ZBTB41: variants seen among roughly 807,000 people sequenced by gnomAD.
The protein encoded by ZBTB41 is zinc finger and BTB domain containing 41, also known as zinc finger and BTB domain-containing protein 41.
A neutral mutation model predicts 87.6 loss-of-function variants in ZBTB41; 42 were observed. The ratio of observed to expected loss-of-function variants is 0.48; its 90% confidence interval spans 0.37 to 0.62. The LOEUF is 0.62. Among genes scored for constraint, ZBTB41 ranks in the 20% least tolerant of loss-of-function variants. The pLI is 0.00. For missense variants in ZBTB41, 799 were observed against 1,078.9 expected, an observed-to-expected ratio of 0.74 and a Z score of 3.63; for synonymous variants, 364 against 364.0, an observed-to-expected ratio of 1.00 and a Z score of 0.00.
intron 4 of ZBTB41, among the ~76,000 whole-genome samples, chr1:197,188,752 T>C (rs1327853724): frequency 2.0e-5 from 3 of 152,214 alleles, no homozygotes; most frequent in Admixed American, 6.5e-5. Context: ...TTTTAGTCAC[T>C]TATGTCAGGA....
intron 2 of ZBTB41, among the ~76,000 whole-genome samples, chr1:197,195,949 G>A (rs895943207): frequency 1.3e-5 from 2 of 152,142 alleles, no homozygotes; most frequent in Non-Finnish European, 2.9e-5. Flanking sequence ...CAAAGCTTAT[G>A]CATCTCTCAT....
At chr1:197,192,196 A>C (rs116432352) in intron 2 of ZBTB41, among the ~76,000 whole-genome samples, 2,098 of 152,308 alleles carry the variant, frequency 0.014, 44 homozygotes, top group African/African-American at 0.048. Flanking sequence ...AAACTGTTGG[A>C]AAATTCTCTG....
chr1:197,186,162 G>A (rs191659969), intron 5 of ZBTB41, among the ~76,000 whole-genome samples: 1 of 151,454 alleles, frequency 6.6e-6, no homozygotes, highest in East Asian at 1.9e-4. Context: ...ACAGAGCCCA[G>A]AAACAGACCT....
chr1:197,155,768 A>G lies in ZBTB41; in HGVS notation c.*3591T>C, dbSNP rs927486881. 2.2e-4 allele frequency: 33 copies of G among 152,340 alleles called. No individual in the cohort carries two copies. Among genetic ancestry groups the G allele is most frequent in the African/African-American group, 7.5e-4 (31 of 41,412 alleles). The allele number at this position is 152,340 out of a possible 1,614,324, so 9.4% of individuals were successfully genotyped here. A position where few individuals can be genotyped will look rare whatever the true frequency, so the allele number is the denominator to read the frequency against. On this transcript the variant is annotated 3_prime_UTR_variant, in exon 11 of 11. Coordinates refer to ENST00000367405, the MANE Select transcript of ZBTB41 (RefSeq NM_194314.3). ...GCCATCGCCTAAAAGGAAGTCACCT[A>G]ATAAAGCACCAATTTAAAACCATAT...
In ZBTB41 at chr1:197,154,041, C is replaced by T. The variant is rs1000289961; in HGVS notation, c.*5318G>A. ...TACACAATGTGGAACAGCTAAATGC[C>T]CAGTTTTGTATTATTTTCTGGCAGC... is the stretch of plus-strand genomic sequence containing the variant. On this transcript the variant is annotated 3_prime_UTR_variant, in exon 11 of 11. Coordinates refer to ENST00000367405, the MANE Select transcript of ZBTB41 (RefSeq NM_194314.3). The T allele has an allele frequency of 6.6e-6, 1 of 152,344 alleles. No homozygotes were observed. Among genetic ancestry groups the T allele is most frequent in the Non-Finnish European group, 1.5e-5 (1 of 67,944 alleles). The allele number at this position is 152,344 out of a possible 1,614,324, so 9.4% of individuals were successfully genotyped here. A position where few individuals can be genotyped will look rare whatever the true frequency, so the allele number is the denominator to read the frequency against.
In ZBTB41 at chr1:197,199,719, C is replaced by T; in HGVS notation, c.755G>A (p.Arg252Lys). Residue 252 changes from arginine to lysine, a missense_variant, in exon 2 of 11, where the codon AGA becomes AAA. Physicochemically the swap from Arg to Lys is conservative, Grantham distance 26. Around this residue, in one of 5 missense-constraint regions of ZBTB41, gnomAD observed 294 missense variants for 340.1 expected, o/e 0.86. Transcript: ENST00000367405. ...AGGGCACTTCCGATTCCTTTTTGAT[C>T]TTCTTGCGGAGAAACTTCTCTCCAG... is the stretch of plus-strand genomic sequence containing the variant. ...KMLERSFSAR[R>K]SKRNRKCPVK... 1 of 1,613,172 alleles carries T rather than the reference C, an allele frequency of 6.2e-7. No individual in the cohort carries two copies. Among genetic ancestry groups the T allele is most frequent in the Non-Finnish European group, 8.5e-7 (1 of 1,179,804 alleles).
chr1:197,170,694 G>A (rs1440711367), intron 10 of ZBTB41, among the ~76,000 whole-genome samples: 1 of 152,120 alleles, frequency 6.6e-6, no homozygotes, highest in Non-Finnish European at 1.5e-5. Flanking sequence ...ACTTTAGATT[G>A]AGAGTTGGTA....
chr1:197,159,360 C>G lies in ZBTB41; in HGVS notation c.2729G>C (p.Ter910SerextTer22). 1 of 1,612,810 alleles carries G rather than the reference C, an allele frequency of 6.2e-7. No homozygotes were observed. The highest frequency in any genetic ancestry group is 8.5e-7 in the Non-Finnish European group (1 of 1,179,072). The stretch of plus-strand genomic sequence containing the variant: ...AATCTGTGGAATGTTTAGATTTACT[C>G]ATGAATGATGCTCATTCGTAGAAAT... ...QNISTNEHHS[*>S] The change falls in exon 11 of 11, where the codon TGA becomes TCA. Residue 910 changes from the stop codon to serine, a stop_lost. Coordinates refer to ENST00000367405, the MANE Select transcript of ZBTB41 (RefSeq NM_194314.3).
Position 197,155,440 on chromosome 1 carries a change from A to G in ZBTB41, c.*3919T>C, listed in dbSNP as rs949127462. On this transcript the variant is annotated 3_prime_UTR_variant, in exon 11 of 11. Transcript: ENST00000367405. ...AATCAACTCTAAGCAACTACAACAC[A>G]TCGAAAAGGCACAAAGCATTCAATG... 5 of 152,446 alleles carry G rather than the reference A, an allele frequency of 3.3e-5. No homozygotes were observed. The highest frequency in any genetic ancestry group is 9.6e-5 in the African/African-American group (4 of 41,544). 9.4% of individuals were successfully genotyped at this position (152,446 alleles called of 1,614,324 possible). A position where few individuals can be genotyped will look rare whatever the true frequency, so the allele number is the denominator to read the frequency against.
At chr1:197,189,464 T>G (rs1330429124) in intron 4 of ZBTB41, among the ~76,000 whole-genome samples, 2 of 150,976 alleles carry the variant, frequency 1.3e-5, no homozygotes, top group Non-Finnish European at 2.9e-5. Context: ...AGGAGGAGGT[T>G]GCAGCGAGCC....
At chr1:197,188,727 A>T (rs1406634513) in intron 4 of ZBTB41, among the ~76,000 whole-genome samples, 1 of 152,212 alleles carries the variant, frequency 6.6e-6, no homozygotes, top group Non-Finnish European at 1.5e-5. Context: ...TTCTAAATCC[A>T]TGAAATATAT....
chr1:197,164,792 C>CATATCTAATATATTATATATATTAT, intron 10 of ZBTB41, among the ~76,000 whole-genome samples: 1 of 21,878 alleles, frequency 4.6e-5, no homozygotes, highest in Admixed American at 6.6e-4. Context: ...ATATATAATA[C>CATATCTAATATATTATATATATTAT]ATATATAATA....
Position 197,200,004 on chromosome 1 carries a change from A to C in ZBTB41, c.470T>G (p.Leu157Arg). 1 of 1,613,264 alleles carries C rather than the reference A, an allele frequency of 6.2e-7. No individual in the cohort carries two copies. Among genetic ancestry groups the C allele is most frequent in the South Asian group, 1.1e-5 (1 of 90,770 alleles). ...CAAAAATTTTGCAGCCTCTAAAACA[A>C]GAGGTATTTCATATTTGTACACAAA... The part of the protein sequence containing the change: ...EFFVYKYEIP[L>R]VLEAAKFLDI... Residue 157 changes from leucine (L) to arginine (R), a missense_variant, in exon 2 of 11, where the codon CTT becomes CGT. Coordinates refer to ENST00000367405, the MANE Select transcript of ZBTB41 (RefSeq NM_194314.3).
chr1:197,178,165 T>C (rs1357650505), intron 7 of ZBTB41, among the ~76,000 whole-genome samples: 1 of 151,914 alleles, frequency 6.6e-6, no homozygotes, highest in East Asian at 1.9e-4. Flanking sequence ...ATGAAATAAA[T>C]ATTTAAATAA....
In ZBTB41 at chr1:197,156,449, C is replaced by T. The variant is rs1659071074; in HGVS notation, c.*2910G>A. ...TTAATTTAAAACAATAAATTATGCTCACAAAATAAAAAAATTCTGAATGAG... is the reference window on the plus strand; with the variant it reads ...TTAATTTAAAACAATAAATTATGCTTACAAAATAAAAAAATTCTGAATGAG... On this transcript the variant is annotated 3_prime_UTR_variant, in exon 11 of 11. Transcript: ENST00000367405. 6.6e-6 allele frequency: 1 copy of T among 151,962 alleles called. No individual in the cohort carries two copies. The highest frequency in any genetic ancestry group is 6.6e-5 in the Admixed American group (1 of 15,182). The allele number at this position is 151,962 out of a possible 1,614,324, so 9.4% of individuals were successfully genotyped here.
In ZBTB41 at chr1:197,156,420, A is replaced by G. The variant is rs1036231341; in HGVS notation, c.*2939T>C. 3.9e-5 allele frequency: 6 copies of G among 152,414 alleles called. No individual in the cohort carries two copies. In the Middle Eastern group the frequency reaches 0.014, roughly 346 times the overall value. 9.4% of individuals were successfully genotyped at this position (152,414 alleles called of 1,614,324 possible). ...TTAAGTGCTAACTGCTATCTGCTAA[A>G]AAATTAATTTAAAACAATAAATTAT... On this transcript the variant is annotated 3_prime_UTR_variant, in exon 11 of 11. Coordinates refer to ENST00000367405, the MANE Select transcript of ZBTB41 (RefSeq NM_194314.3).
intron 2 of ZBTB41, among the ~76,000 whole-genome samples, chr1:197,196,385 A>G (rs1368653806): frequency 6.6e-6 from 1 of 152,154 alleles, no homozygotes. Context: ...CTTAGTCTAC[A>G]TTCAATGTAT....
chr1:197,190,644 A>G, intron 4 of ZBTB41, 118 bp downstream of exon 4: 1 of 607,706 alleles, frequency 1.6e-6, no homozygotes, highest in Non-Finnish European at 2.8e-6. Flanking sequence ...ATATAAAAGG[A>G]AAATTCTAAA....
chr1:197,159,723 T>G lies in ZBTB41; in HGVS notation c.2366A>C (p.Lys789Thr). 2.5e-6 allele frequency: 4 copies of G among 1,614,020 alleles called. No homozygotes were observed. Among genetic ancestry groups the G allele is most frequent in the Non-Finnish European group, 2.5e-6 (3 of 1,179,934 alleles). Reference sequence around the variant, plus strand: ...CGTCTTGGCTTCCGACTGATAAACTTTGGGCTGGTCCATATATTGTTTTGT... The same window carrying G: ...CGTCTTGGCTTCCGACTGATAAACTGTGGGCTGGTCCATATATTGTTTTGT... ...TETKQYMDQP[K>T]VYQSEAKTML... The change falls in exon 11 of 11, where the codon AAA (lysine) becomes ACA (threonine). Residue 789 changes from lysine (K) to threonine (T), a missense_variant. This residue lies in a region of ZBTB41 where 171 missense variants were observed against 191.9 expected (regional missense o/e 0.89). Coordinates refer to ENST00000367405, the MANE Select transcript of ZBTB41 (RefSeq NM_194314.3).
Sources: gnomAD v4.1 joint callset for allele counts (sites outside exome capture counted in the v4.1 genomes callset) on GRCh38, gnomAD v4.1.1 for gene constraint, gnomAD v4.1.1 regional missense constraint, MANE v1.5 for transcripts, NCBI Gene and HGNC (gene_info 2026-07-23, HGNC 2026-07-21) for gene names.